The following PTPRK variants were observed in gnomAD, a reference collection of about 807,000 sequenced individuals.
The protein encoded by PTPRK is receptor-type tyrosine-protein phosphatase kappa.
In PTPRK, 75 loss-of-function variants were observed where a neutral mutation model predicts 178.0. The observed-to-expected ratio is 0.42, with a 90% CI of 0.35 to 0.51. The LOEUF is 0.51. Among genes scored for constraint, PTPRK ranks in the 20% least tolerant of loss-of-function variants. The probability of loss-of-function intolerance (pLI) is 0.02; values close to 1 mark genes in which losing one functional copy is unlikely to be tolerated. For missense variants in PTPRK, 1,441 were observed against 1,797.8 expected, an observed-to-expected ratio of 0.80 and a Z score of 3.59; for synonymous variants, 637 against 620.6, an observed-to-expected ratio of 1.03 and a Z score of -0.39.
At chr6:128,003,950 T>C (rs1299369934) in intron 15 of PTPRK, among the ~76,000 whole-genome samples, 1 of 151,902 alleles carries the variant, frequency 6.6e-6, no homozygotes, top group Admixed American at 6.6e-5. Flanking sequence ...CATATATACA[T>C]AGAAAATGAT....
chr6:128,275,174 A>G (rs1413844662), intron 3 of PTPRK, among the ~76,000 whole-genome samples: 1 of 152,072 alleles, frequency 6.6e-6, no homozygotes, highest in Non-Finnish European at 1.5e-5. Context: ...ATAAAGACAC[A>G]AAGCTACAGT....
intron 6 of PTPRK, among the ~76,000 whole-genome samples, chr6:128,190,530 G>A (rs192292041): frequency 1.7e-4 from 18 of 108,300 alleles, no homozygotes; most frequent in Admixed American, 4.5e-4. Flanking sequence ...ACAGAGTCTC[G>A]CTCTGTTATC....
In PTPRK at chr6:128,188,731, G is replaced by A. The variant is rs531579554; in HGVS notation, c.869-4006C>T. ...GTCAAAATCAAGCTGTCAGAAGGCC[G>A]TACTTCCTATAAAGGCTCTAGGAGA... On this transcript the variant is annotated intron_variant, in intron 6 of 29. Coordinates refer to ENST00000368226, the MANE Select transcript of PTPRK (RefSeq NM_002844.4). Among the ~76,000 whole-genome samples, 18 of 152,252 alleles carry A rather than the reference G, an allele frequency of 1.2e-4. No homozygotes were observed. The South Asian group carries it at 1.5e-3, about 12-fold the overall frequency.
chr6:128,283,043 C>T (rs1821923853), intron 3 of PTPRK, among the ~76,000 whole-genome samples: 1 of 152,086 alleles, frequency 6.6e-6, no homozygotes, highest in South Asian at 2.1e-4. Context: ...ACAAAACACC[C>T]CCACCACAAA....
chr6:128,443,688 T>C (rs74397959), intron 1 of PTPRK, among the ~76,000 whole-genome samples: 2,515 of 152,252 alleles, frequency 0.017, 29 homozygotes, highest in Non-Finnish European at 0.027. Context: ...CTGATATTAA[T>C]CACTAACTGA....
At chr6:128,205,777 CAAAAAAAAAAAAAAA>C (rs57003128) in intron 6 of PTPRK, among the ~76,000 whole-genome samples, 23 of 15,230 alleles carry the variant, frequency 1.5e-3, no homozygotes, top group Non-Finnish European at 8.6e-4. Context: ...CATCACAGAC[CAAAAAAAAAAAAAAA>C]AAAAAAAAAA....
chr6:128,468,965 C>G (rs546502506), intron 1 of PTPRK, among the ~76,000 whole-genome samples: 1 of 144,596 alleles, frequency 6.9e-6, no homozygotes, highest in Admixed American at 6.9e-5. Flanking sequence ...ATTTCACCAA[C>G]ATAGGGTAAG....
intron 3 of PTPRK, among the ~76,000 whole-genome samples, chr6:128,305,830 C>A (rs1826289310): frequency 6.6e-6 from 1 of 152,196 alleles, no homozygotes; most frequent in Non-Finnish European, 1.5e-5. Context: ...ACTAATCAAT[C>A]CCTCAGTATT....
chr6:128,509,211 C>T (rs1856817604), intron 1 of PTPRK, among the ~76,000 whole-genome samples: 1 of 152,090 alleles, frequency 6.6e-6, no homozygotes, highest in Admixed American at 6.5e-5. Context: ...GAGTTTCAGA[C>T]GTCTACCGGG....
chr6:128,463,723 T>C (rs796846195), intron 1 of PTPRK, among the ~76,000 whole-genome samples: 3 of 146,582 alleles, frequency 2.0e-5, no homozygotes, highest in African/African-American at 5.0e-5. Context: ...GCCTTCTCTA[T>C]AAAAGTCAAT....
At chr6:128,166,950 C>T (rs1799493323) in intron 7 of PTPRK, among the ~76,000 whole-genome samples, 1 of 151,488 alleles carries the variant, frequency 6.6e-6, no homozygotes, top group Non-Finnish European at 1.5e-5. Flanking sequence ...TTTCTGTTTC[C>T]TAGTGTTCCT....
chr6:128,487,460 C>T (rs1161141657), intron 1 of PTPRK, among the ~76,000 whole-genome samples: 3 of 151,604 alleles, frequency 2.0e-5, no homozygotes, highest in Non-Finnish European at 2.9e-5. Flanking sequence ...TCATAGAAAA[C>T]AAAATTTGTT....
At chr6:127,974,015 T>C (rs1774233865) in intron 27 of PTPRK, among the ~76,000 whole-genome samples, 188 bp from the exon 28 acceptor site, 1 of 152,190 alleles carries the variant, frequency 6.6e-6, no homozygotes, top group Non-Finnish European at 1.5e-5. Flanking sequence ...ATGGCAATCA[T>C]CCTTTATACC....
intron 1 of PTPRK, among the ~76,000 whole-genome samples, chr6:128,445,333 C>T (rs1054177567): frequency 4.5e-5 from 6 of 131,988 alleles, no homozygotes; most frequent in Non-Finnish European, 8.1e-5. Context: ...CTCATCCTTT[C>T]TTTTATATAT....
At chr6:128,108,397 G>C (rs76232015) in intron 7 of PTPRK, among the ~76,000 whole-genome samples, 1 of 151,958 alleles carries the variant, frequency 6.6e-6, no homozygotes, top group East Asian at 1.9e-4. Flanking sequence ...TATGTGCCAT[G>C]GAAAAAGCTT....
At chr6:128,157,553 A>G (rs557227826) in intron 7 of PTPRK, among the ~76,000 whole-genome samples, 91 of 152,042 alleles carry the variant, frequency 6.0e-4, no homozygotes, top group Non-Finnish European at 1.1e-3. Flanking sequence ...TAAATTTCTA[A>G]GTTTATTTCT....
At chr6:128,362,282 C>A (rs1446473085) in intron 2 of PTPRK, among the ~76,000 whole-genome samples, 3 of 152,102 alleles carry the variant, frequency 2.0e-5, no homozygotes, top group Admixed American at 2.0e-4. Context: ...AACTCTCTTA[C>A]AATTGTGAGG....
At position 127,991,305 on chromosome 6, in the gene PTPRK, C is replaced by T; in HGVS notation, c.2968G>A (p.Glu990Lys). ...TTTCTTCCTCTTACCCGGCCAACCT[C>T]AACTAAATTTGTAACCATCACAATG... Reference protein sequence around the residue: ...ACIVMVTNLVEVGRVKCYKYW... With the variant: ...ACIVMVTNLVKVGRVKCYKYW... Residue 990 changes from glutamate to lysine, a missense_variant, in exon 20 of 30, where the codon GAG becomes AAG. Coordinates refer to ENST00000368226, the MANE Select transcript of PTPRK (RefSeq NM_002844.4). 2.5e-6 allele frequency: 4 copies of T among 1,592,752 alleles called. No homozygotes were observed. The highest frequency in any genetic ancestry group is 3.4e-6 in the Non-Finnish European group (4 of 1,170,564).
intron 2 of PTPRK, among the ~76,000 whole-genome samples, chr6:128,331,191 G>A (rs1439192351): frequency 1.3e-5 from 2 of 152,296 alleles, no homozygotes; most frequent in East Asian, 3.9e-4. Context: ...AAGGTCTGGA[G>A]TATTCAGTTT....
Sources: allele counts gnomAD v4.1 joint callset (sites outside exome capture counted in the v4.1 genomes callset), GRCh38; gene constraint gnomAD v4.1.1; transcripts MANE v1.5; gene names NCBI Gene and HGNC (gene_info 2026-07-23, HGNC 2026-07-21).